Variants in ANKHD1 observed in about 807,000 individuals in gnomAD.
The protein encoded by ANKHD1 is ankyrin repeat and KH domain-containing protein 1.
A neutral mutation model predicts 230.5 loss-of-function variants in ANKHD1; 31 were observed. The observed-to-expected ratio is 0.13, with a 90% confidence interval of 0.10 to 0.18. ANKHD1 has a LOEUF of 0.18. Ranked by LOEUF, ANKHD1 falls within the 10% of genes least tolerant of loss-of-function variation. ANKHD1 has a pLI of 1.00. For synonymous variants in ANKHD1, 1,074 were observed against 1,117.6 expected, an observed-to-expected ratio of 0.96 and a Z score of 0.78; for missense variants, 2,256 against 3,071.3, an observed-to-expected ratio of 0.73 and a Z score of 6.27.
intron 7 of ANKHD1, among the ~76,000 whole-genome samples, chr5:140,457,971 G>A (rs887389668): frequency 3.9e-5 from 6 of 152,046 alleles, no homozygotes; most frequent in Non-Finnish European, 8.8e-5. Flanking sequence ...TTGACTTACT[G>A]TCTATGCAGA....
At chr5:140,478,205 G>A (rs1399070493) in intron 10 of ANKHD1, among the ~76,000 whole-genome samples, 2 of 151,918 alleles carry the variant, frequency 1.3e-5, no homozygotes, top group Admixed American at 6.6e-5. Context: ...TTGCCCAAAT[G>A]TAGGGAAAAA....
intron 7 of ANKHD1, among the ~76,000 whole-genome samples, chr5:140,456,635 G>A (rs982441529): frequency 2.0e-5 from 3 of 152,188 alleles, no homozygotes; most frequent in Non-Finnish European, 4.4e-5. Flanking sequence ...TTAATACATG[G>A]TGCTGGGAAA....
chr5:140,503,444 T>C (rs911861430), intron 15 of ANKHD1, among the ~76,000 whole-genome samples: 12 of 151,708 alleles, frequency 7.9e-5, no homozygotes, highest in African/African-American at 2.9e-4. Context: ...ACTCACAACA[T>C]CCCTGAGATA....
Position 140,509,832 on chromosome 5 carries a change from A to C in ANKHD1, c.3941+20A>C, listed in dbSNP as rs773469332. ...TCATAGGTGAGTACTTTTCTATTAT[A>C]TGTAGAACTTCTCATGGTCATTTTC... On this transcript the variant is annotated intron_variant, in intron 21 of 33. Coordinates refer to ENST00000360839, the MANE Select transcript of ANKHD1 (RefSeq NM_017747.3). 6.3e-7 allele frequency: 1 copy of C among 1,591,230 alleles called. No homozygotes were observed. Among genetic ancestry groups the C allele is most frequent in the Admixed American group, 1.9e-5 (1 of 51,818 alleles).
intron 1 of ANKHD1, among the ~76,000 whole-genome samples, chr5:140,406,881 T>A (rs1770504207): frequency 6.6e-6 from 1 of 152,196 alleles, no homozygotes; most frequent in Non-Finnish European, 1.5e-5. Flanking sequence ...TCGTATTTCT[T>A]CAGGCATTCT....
chr5:140,528,926 A>T lies in ANKHD1; in HGVS notation c.5980A>T (p.Ile1994Phe). 1 of 1,614,184 alleles carries T rather than the reference A, an allele frequency of 6.2e-7. No individual in the cohort carries two copies. Among genetic ancestry groups the T allele is most frequent in the Non-Finnish European group, 8.5e-7 (1 of 1,180,022 alleles). Residue 1994 changes from isoleucine (I) to phenylalanine (F), a missense_variant, in exon 29 of 34, where the codon ATC becomes TTC. Coordinates refer to ENST00000360839, the MANE Select transcript of ANKHD1 (RefSeq NM_017747.3). Reference sequence around the variant, plus strand: ...CCTGCCTTCTGTCTCCTCTGCACCTATCACTAGCGGGCAAGCTCCCACCAC... The same window carrying T: ...CCTGCCTTCTGTCTCCTCTGCACCTTTCACTAGCGGGCAAGCTCCCACCAC... ...SSLPSVSSAP[I>F]TSGQAPTTFL...
chr5:140,478,545 G>C (rs1333650445), intron 10 of ANKHD1, among the ~76,000 whole-genome samples: 2 of 152,092 alleles, frequency 1.3e-5, no homozygotes, highest in Admixed American at 1.3e-4. Context: ...AGGAAACCAT[G>C]TATTACAAAT....
intron 2 of ANKHD1, among the ~76,000 whole-genome samples, chr5:140,437,249 A>G (rs1773520461): frequency 6.6e-6 from 1 of 152,090 alleles, no homozygotes; most frequent in African/African-American, 2.4e-5. Context: ...ACCATAATTA[A>G]TTTTTCCAAT....
chr5:140,435,215 T>C (rs2126908074), intron 1 of ANKHD1, among the ~76,000 whole-genome samples: 1 of 152,266 alleles, frequency 6.6e-6, no homozygotes, highest in Middle Eastern at 3.4e-3. Context: ...AGAGTCAGAA[T>C]TGAATAAATT....
At chr5:140,509,510 A>G (rs2127058003) in intron 20 of ANKHD1, 127 bp from the exon 21 acceptor site, 1 of 1,138,846 alleles carries the variant, frequency 8.8e-7, no homozygotes, top group Non-Finnish European at 1.2e-6. Context: ...AGAGCTAATC[A>G]GAACTAGAAT....
At chr5:140,537,217 T>G in intron 30 of ANKHD1, 172 bp from the exon 31 acceptor site, 2 of 1,211,198 alleles carry the variant, frequency 1.7e-6, no homozygotes, top group Non-Finnish European at 2.2e-6. Context: ...TGAATGTTCT[T>G]TTAAAATGAA....
rs185624474 is a variant in ANKHD1, at chr5:140,456,722, A to C, written c.1243-1903A>C. ...ATAGAAAATTCAAGATGGATTAAAG[A>C]CTTAAATGTTAGACCTAAAACCATA... is the stretch of plus-strand genomic sequence containing the variant. On this transcript the variant is annotated intron_variant, in intron 7 of 33. Transcript: ENST00000360839. Among the ~76,000 whole-genome samples the C allele has an allele frequency of 3.3e-4, 50 of 152,366 alleles. 1 individual carries two copies. In the East Asian group the frequency reaches 9.1e-3, roughly 28 times the overall value.
intron 9 of ANKHD1, among the ~76,000 whole-genome samples, chr5:140,463,177 A>G (rs1386023914): frequency 2.0e-5 from 3 of 151,990 alleles, no homozygotes; most frequent in African/African-American, 7.3e-5. Flanking sequence ...TTTGAACATC[A>G]TTTTGAACTT....
At chr5:140,480,910 A>G (rs868786204) in intron 10 of ANKHD1, among the ~76,000 whole-genome samples, 11 of 152,232 alleles carry the variant, frequency 7.2e-5, no homozygotes, top group Non-Finnish European at 8.8e-5. Flanking sequence ...TAATACTTAC[A>G]CAGACTAAAA....
chr5:140,533,821 ATTCAT>A (rs1753953605), intron 29 of ANKHD1, among the ~76,000 whole-genome samples: 1 of 150,956 alleles, frequency 6.6e-6, no homozygotes, highest in Non-Finnish European at 1.5e-5. Flanking sequence ...TATAGAAATG[ATTCAT>A]TTCAATAAAA....
At position 140,402,944 on chromosome 5, in the gene ANKHD1, G is replaced by A. The variant is rs1770091410; in HGVS notation, c.306+671G>A. Among the ~76,000 whole-genome samples the A allele has an allele frequency of 7.3e-5, 11 of 150,870 alleles. No individual in the cohort carries two copies. The South Asian group carries it at 1.9e-3, about 26-fold the overall frequency. On this transcript the variant is annotated intron_variant, in intron 1 of 33. Transcript: ENST00000360839. ...AGGTTTTAGGCTTGGAGAAAGTGGG[G>A]CAACCTGTGGAAACCTCTTCTTTTT... is the stretch of plus-strand genomic sequence containing the variant.
In ANKHD1 at chr5:140,485,170, G is replaced by T. The variant is rs754031552; in HGVS notation, c.1920G>T (p.Ser640=). The change falls in exon 12 of 34, where the codon TCG becomes TCT. Residue 640 remains serine, a synonymous_variant. Coordinates refer to ENST00000360839, the MANE Select transcript of ANKHD1 (RefSeq NM_017747.3). The surrounding 1 kb of genome is among the most constrained non-coding windows in gnomAD (Gnocchi z 4.8). ...CCAATAATGATCATACAGTAGTGTC[G>T]CTGGCATGTGCAGGAGGCCACCTGG... ...ATANNDHTVV[S]LACAGGHLAV... 21 of 1,613,708 alleles carry T rather than the reference G, an allele frequency of 1.3e-5. No homozygotes were observed. In the Admixed American group the frequency reaches 1.3e-4, roughly 10 times the overall value.
At position 140,412,569 on chromosome 5, in the gene ANKHD1, AATTGGAAAGT is replaced by A. The variant is rs1771026717; in HGVS notation, c.306+10297_306+10306del. Among the ~76,000 whole-genome samples the A allele has an allele frequency of 2.0e-5, 3 of 152,370 alleles. No individual in the cohort carries two copies. The South Asian group carries it at 6.2e-4, about 32-fold the overall frequency. ...TCTAAAGAAATTTTGTAATGAACTTAATTGGAAAGTTCAGGTCTTTCATTATTCATTTAAA... is the reference window on the plus strand; with the variant it reads ...TCTAAAGAAATTTTGTAATGAACTTATCAGGTCTTTCATTATTCATTTAAA... On this transcript the variant is annotated intron_variant, in intron 1 of 33. Coordinates refer to ENST00000360839, the MANE Select transcript of ANKHD1 (RefSeq NM_017747.3).
chr5:140,482,318 C>T (rs1214462063), intron 10 of ANKHD1, among the ~76,000 whole-genome samples: 1 of 152,070 alleles, frequency 6.6e-6, no homozygotes, highest in Non-Finnish European at 1.5e-5. Context: ...AGTGATTTCT[C>T]TTTGGGAACC....
Sources: gnomAD v4.1 joint callset for allele counts (sites outside exome capture counted in the v4.1 genomes callset) on GRCh38, gnomAD v4.1.1 for gene constraint, Gnocchi (gnomAD v3.1) non-coding constraint, MANE v1.5 for transcripts, NCBI Gene and HGNC (gene_info 2026-07-23, HGNC 2026-07-21) for gene names.